The following CHODL variants were observed in gnomAD, a reference collection of about 807,000 sequenced individuals.
CHODL encodes transmembrane protein MT75.
A neutral mutation model predicts 34.5 loss-of-function variants in CHODL; 29 were observed. That is an observed-to-expected ratio of 0.84 (90% CI 0.63 to 1.15). CHODL has a LOEUF of 1.15. Ranked by LOEUF, CHODL falls within the 50% of genes most tolerant of loss-of-function variation. The pLI is 0.00. For synonymous variants in CHODL, 125 were observed against 116.1 expected, an observed-to-expected ratio of 1.08 and a Z score of -0.49; for missense variants, 332 against 332.5, an observed-to-expected ratio of 1.00 and a Z score of 0.01.
intron 1 of CHODL, among the ~76,000 whole-genome samples, chr21:18,016,910 C>T (rs1027249312): frequency 7.2e-5 from 11 of 152,200 alleles, no homozygotes; most frequent in Non-Finnish European, 1.3e-4. Context: ...TAATGAGTGC[C>T]CTGGCAGATT....
intron 2 of CHODL, among the ~76,000 whole-genome samples, chr21:18,079,804 G>C (rs989273282): frequency 3.9e-5 from 6 of 152,018 alleles, no homozygotes; most frequent in Non-Finnish European, 8.8e-5. Context: ...AATAGAATTT[G>C]CTATAATCAC....
intron 2 of CHODL, among the ~76,000 whole-genome samples, chr21:18,110,389 A>G (rs1246682796): frequency 1.3e-5 from 2 of 152,118 alleles, no homozygotes; most frequent in Non-Finnish European, 2.9e-5. Context: ...TCACCAACAG[A>G]ATGCAGCAAA....
chr21:17,999,013 C>A (rs2063879455), intron 1 of CHODL, among the ~76,000 whole-genome samples: 2 of 152,178 alleles, frequency 1.3e-5, no homozygotes, highest in Non-Finnish European at 2.9e-5. Flanking sequence ...ATTTTCTGAA[C>A]CTTTATGCTG....
chr21:18,172,319 G>A (rs1181569142), intron 2 of CHODL, among the ~76,000 whole-genome samples: 1 of 152,176 alleles, frequency 6.6e-6, no homozygotes, highest in Non-Finnish European at 1.5e-5. Context: ...GACAAGTCCT[G>A]TGAGTGGAGG....
At chr21:18,004,848 A>G (rs1052040523) in intron 1 of CHODL, among the ~76,000 whole-genome samples, 1 of 151,724 alleles carries the variant, frequency 6.6e-6, no homozygotes, top group African/African-American at 2.4e-5. Flanking sequence ...AAAAAAAACA[A>G]CAACAGTTAA....
rs1455398333 is a variant in CHODL at position 18,265,957 on chromosome 21, A to C, written c.741A>C (p.Lys247Asn). The change falls in exon 6 of 6, where the codon AAA becomes AAC. Residue 247 changes from lysine to asparagine, a missense_variant. By Grantham distance (94) the Lys-to-Asn change is moderately conservative (BLOSUM62 0). Transcript: ENST00000299295. ...CATTTTTTCTTATGTTTTTCAGTAAAGGAAGAACAAAAACTAGTCCAAACC... is the reference window on the plus strand; with the variant it reads ...CATTTTTTCTTATGTTTTTCAGTAACGGAAGAACAAAAACTAGTCCAAACC... ...TCCFQMLHKS[K>N]GRTKTSPNQS... The C allele has an allele frequency of 1.2e-6, 2 of 1,609,286 alleles. No homozygotes were observed. Among genetic ancestry groups the C allele is most frequent in the Admixed American group, 1.7e-5 (1 of 59,256 alleles).
intron 2 of CHODL, among the ~76,000 whole-genome samples, chr21:18,045,131 A>G (rs1171619831): frequency 6.6e-6 from 1 of 151,974 alleles, no homozygotes; most frequent in Non-Finnish European, 1.5e-5. Flanking sequence ...ACAATGTATA[A>G]TATCTGATCT....
intron 2 of CHODL, among the ~76,000 whole-genome samples, chr21:18,222,783 T>C (rs1398979267): frequency 2.6e-5 from 4 of 152,200 alleles, no homozygotes; most frequent in African/African-American, 9.6e-5. Context: ...ACTTGATGTT[T>C]AGGTCTTTTT....
At chr21:18,237,598 T>G (rs1414552680) in intron 2 of CHODL, among the ~76,000 whole-genome samples, 1 of 152,124 alleles carries the variant, frequency 6.6e-6, no homozygotes, top group East Asian at 1.9e-4. Context: ...TACATCCCTC[T>G]TCTCTCCGAC....
intron 1 of CHODL, among the ~76,000 whole-genome samples, chr21:17,950,881 C>T (rs570727346): frequency 1.6e-4 from 25 of 152,164 alleles, no homozygotes; most frequent in African/African-American, 5.8e-4. Context: ...GATTTACAGT[C>T]GTGAAATATC....
chr21:18,267,045 C>T lies in CHODL; in HGVS notation c.*1007C>T, dbSNP rs1367000881. 1 of 152,192 alleles carries T rather than the reference C, an allele frequency of 6.6e-6. No individual in the cohort carries two copies. Among genetic ancestry groups the T allele is most frequent in the Non-Finnish European group, 1.5e-5 (1 of 68,058 alleles). The allele number at this position is 152,192 out of a possible 1,614,324, so 9.4% of individuals were successfully genotyped here. A position where few individuals can be genotyped will look rare whatever the true frequency, so the allele number is the denominator to read the frequency against. The stretch of plus-strand genomic sequence containing the variant: ...TAAGGTTTCCCTAGCTGTATTTAGC[C>T]TCTGACTATATTAGTATACAAAGAG... On this transcript the variant is annotated 3_prime_UTR_variant, in exon 6 of 6. Transcript: ENST00000299295.
chr21:17,948,415 A>G (rs960622980), intron 1 of CHODL, among the ~76,000 whole-genome samples: 2 of 152,024 alleles, frequency 1.3e-5, no homozygotes, highest in African/African-American at 2.4e-5. Flanking sequence ...TAAACCCACA[A>G]TTAATAGAAG....
intron 2 of CHODL, among the ~76,000 whole-genome samples, chr21:18,179,358 C>A (rs1034841880): frequency 2.0e-5 from 3 of 152,194 alleles, no homozygotes; most frequent in Admixed American, 1.3e-4. Context: ...ACCTTGAAAT[C>A]ATTTCTGTCA....
chr21:18,167,309 ATT>A (rs71318131), intron 2 of CHODL, among the ~76,000 whole-genome samples: 13 of 103,030 alleles, frequency 1.3e-4, no homozygotes, highest in South Asian at 3.2e-4. Context: ...TTCTATTAAG[ATT>A]TTTTTTTTTT....
chr21:18,010,180 C>T (rs180882244), intron 1 of CHODL, among the ~76,000 whole-genome samples: 2,288 of 143,020 alleles, frequency 0.016, 60 homozygotes, highest in Middle Eastern at 0.054. Context: ...CCCTGTAGTC[C>T]CAGCTACCCA....
chr21:18,145,890 A>G (rs2146617956), intron 2 of CHODL, among the ~76,000 whole-genome samples: 1 of 152,324 alleles, frequency 6.6e-6, no homozygotes, highest in African/African-American at 2.4e-5. Context: ...GTAGCTCAAT[A>G]CGGAGTTAAA....
chr21:18,174,122 T>TATATATATATATATATTG (rs1568923067), intron 2 of CHODL, among the ~76,000 whole-genome samples: 2 of 12,128 alleles, frequency 1.6e-4, no homozygotes, highest in Non-Finnish European at 5.0e-4. Flanking sequence ...TATATCTTGG[T>TATATATATATATATATTG]GTATATATAT....
intron 2 of CHODL, among the ~76,000 whole-genome samples, chr21:18,184,501 G>C (rs1273159315): frequency 5.3e-5 from 8 of 152,138 alleles, no homozygotes; most frequent in African/African-American, 1.9e-4. Flanking sequence ...GTCTGAAATA[G>C]GCATTGGTTT....
intron 1 of CHODL, among the ~76,000 whole-genome samples, chr21:18,013,462 C>G (rs187616203): frequency 6.6e-6 from 1 of 151,968 alleles, no homozygotes; most frequent in African/African-American, 2.4e-5. Flanking sequence ...CTTGGTCCTT[C>G]CATCTTAGGT....
Sources: allele counts gnomAD v4.1 joint callset (sites outside exome capture counted in the v4.1 genomes callset), GRCh38; gene constraint gnomAD v4.1.1; transcripts MANE v1.5; gene names NCBI Gene and HGNC (gene_info 2026-07-23, HGNC 2026-07-21).